Variants in CARM1 observed in about 807,000 individuals in gnomAD.
The protein encoded by CARM1 is histone-arginine methyltransferase CARM1.
Under a neutral mutation model 72.7 loss-of-function variants are expected in CARM1, and 14 were observed. The ratio of observed to expected loss-of-function variants is 0.19; its 90% CI spans 0.13 to 0.30. CARM1 has a LOEUF of 0.30. Ranked by LOEUF, CARM1 falls within the 10% of genes least tolerant of loss-of-function variation. The pLI is 1.00. For missense variants in CARM1, 432 were observed against 833.7 expected, an observed-to-expected ratio of 0.52 and a Z score of 5.93; for synonymous variants, 333 against 345.5, an observed-to-expected ratio of 0.96 and a Z score of 0.40.
intron 1 of CARM1, among the ~76,000 whole-genome samples, chr19:10,885,134 C>G (rs1264605305): frequency 2.0e-5 from 3 of 152,186 alleles, no homozygotes; most frequent in African/African-American, 7.2e-5. Context: ...ACTTGTTCCC[C>G]TCTGGGTAGG....
In CARM1 at chr19:10,909,156, A is replaced by G. The variant is rs969535587; in HGVS notation, c.507A>G (p.Thr169=). Residue 169 remains threonine, a synonymous_variant, in exon 4 of 16, where the codon ACA becomes ACG. Coordinates refer to ENST00000327064, the MANE Select transcript of CARM1 (RefSeq NM_199141.2). ...QQNMMQDYVR[T]GTYQRAILQN... is the part of the protein sequence containing the mutation. ...ACATGATGCAGGACTACGTGCGGAC[A>G]GGCACCTACCAGCGCGCCATCCTGC... 2 of 1,613,730 alleles carry G rather than the reference A, an allele frequency of 1.2e-6. No individual in the cohort carries two copies. The highest frequency in any genetic ancestry group is 3.3e-5 in the Admixed American group (2 of 60,008).
chr19:10,878,455 C>T (rs532362110), intron 1 of CARM1, among the ~76,000 whole-genome samples: 11 of 152,120 alleles, frequency 7.2e-5, no homozygotes, highest in Non-Finnish European at 1.3e-4. Flanking sequence ...CCAATTGTGG[C>T]GCTTACTGTA....
chr19:10,881,410 C>T (rs2073901351), intron 1 of CARM1, among the ~76,000 whole-genome samples: 1 of 152,190 alleles, frequency 6.6e-6, no homozygotes, highest in South Asian at 2.1e-4. Context: ...GGAGTGGAGT[C>T]TGCCCTGGCT....
chr19:10,900,552 A>T (rs1170804822), intron 1 of CARM1, among the ~76,000 whole-genome samples: 1 of 152,208 alleles, frequency 6.6e-6, no homozygotes, highest in Non-Finnish European at 1.5e-5. Context: ...TTTTATAGAT[A>T]AGCCATATTT....
rs755793969 is a variant in CARM1 at position 10,920,932 on chromosome 19, G to A, written c.1523G>A (p.Gly508Glu). The change falls in exon 13 of 16, where the codon GGG becomes GAG. Residue 508 changes from glycine to glutamate, a missense_variant. Physicochemically the swap from Gly to Glu is moderately conservative, Grantham distance 98. Coordinates refer to ENST00000327064, the MANE Select transcript of CARM1 (RefSeq NM_199141.2). The surrounding 1 kb of genome is among the most constrained non-coding windows in gnomAD (Gnocchi z 5.3). ...NTGSTYNLSS[G>E]MAVAGMPTAY... Reference sequence around the variant, plus strand: ...GGCAGCACCTACAACCTCAGCAGCGGGATGGCCGTGGCAGGTGAGCAGGGC... The same window carrying A: ...GGCAGCACCTACAACCTCAGCAGCGAGATGGCCGTGGCAGGTGAGCAGGGC... 1.2e-6 allele frequency: 2 copies of A among 1,614,224 alleles called. No homozygotes were observed. Among genetic ancestry groups the A allele is most frequent in the African/African-American group, 1.3e-5 (1 of 75,076 alleles).
chr19:10,913,198 G>A (rs1463774823), intron 5 of CARM1, among the ~76,000 whole-genome samples: 3 of 151,490 alleles, frequency 2.0e-5, no homozygotes, highest in South Asian at 2.1e-4. Flanking sequence ...TCCACCTCCC[G>A]GGTTCAAGTG....
intron 1 of CARM1, among the ~76,000 whole-genome samples, chr19:10,902,835 C>A (rs1167942021): frequency 6.6e-6 from 1 of 152,004 alleles, no homozygotes; most frequent in East Asian, 1.9e-4. Flanking sequence ...GTCTCAAACT[C>A]CTGGGTTCTA....
At chr19:10,907,957 C>T (rs766766847) in intron 2 of CARM1, 82 bp from the exon 3 acceptor site, 22 of 815,244 alleles carry the variant, frequency 2.7e-5, no homozygotes, top group South Asian at 9.9e-5. Flanking sequence ...TCAGGACATA[C>T]GGCCATCCAG....
intron 6 of CARM1, 102 bp downstream of exon 6, chr19:10,914,156 C>G (rs1215386309): frequency 8.2e-7 from 1 of 1,219,222 alleles, no homozygotes; most frequent in East Asian, 2.7e-5. Flanking sequence ...TGTCGGTGGC[C>G]CGGGGTGTAG....
intron 1 of CARM1, among the ~76,000 whole-genome samples, chr19:10,882,720 T>G (rs760656279): frequency 2.6e-5 from 4 of 152,002 alleles, no homozygotes; most frequent in Admixed American, 2.6e-4. Flanking sequence ...TTTTGTGTTT[T>G]TAGTAGAGAC....
intron 1 of CARM1, among the ~76,000 whole-genome samples, chr19:10,898,095 G>A (rs1000861217): frequency 1.3e-4 from 19 of 148,902 alleles, no homozygotes; most frequent in Non-Finnish European, 2.4e-4. Flanking sequence ...GAGACAGCGA[G>A]ACTCCGTCTC....
intron 9 of CARM1, 43 bp from the exon 10 acceptor site, chr19:10,919,834 G>A (rs771408146): frequency 3.1e-5 from 48 of 1,552,744 alleles, no homozygotes; most frequent in South Asian, 7.8e-5. Context: ...TCTCGGCAGC[G>A]CCTGTCTGGC....
Position 10,921,889 on chromosome 19 carries a change from T to C in CARM1, c.*132T>C. The C allele has an allele frequency of 1.1e-6, 1 of 915,510 alleles. No individual in the cohort carries two copies. The highest frequency in any genetic ancestry group is 1.7e-5 in the African/African-American group (1 of 59,460). The allele number at this position is 915,510 out of a possible 1,614,324, so 56.7% of individuals were successfully genotyped here. ...TCACAGCTCTCTTTGCTATGGGAACTGGGACACTTTTTTACACGATGTTGC... is the reference window on the plus strand; with the variant it reads ...TCACAGCTCTCTTTGCTATGGGAACCGGGACACTTTTTTACACGATGTTGC... On this transcript the variant is annotated 3_prime_UTR_variant, in exon 16 of 16. Coordinates refer to ENST00000327064, the MANE Select transcript of CARM1 (RefSeq NM_199141.2).
intron 1 of CARM1, among the ~76,000 whole-genome samples, chr19:10,890,297 C>CAAAAA (rs1184482315): frequency 7.5e-6 from 1 of 133,724 alleles, no homozygotes; most frequent in East Asian, 2.2e-4. Flanking sequence ...GACAGAGTTT[C>CAAAAA]GCTCTTGTTG....
Position 10,871,601 on chromosome 19 carries a change from G to GGCGGCA in CARM1, c.-97_-96insAGCGGC, listed in dbSNP as rs1299962182. Reference sequence around the variant, plus strand: ...CGGCGGTAGCGGCAGCGGCGGCGGCGGCGGCGGCGGCGGCGGCGGCGGCGG... The same window carrying GGCGGCA: ...CGGCGGTAGCGGCAGCGGCGGCGGCGGCGGCAGCGGCGGCGGCGGCGGCGGCGGCGG... On this transcript the variant is annotated 5_prime_UTR_variant, in exon 1 of 16. Coordinates refer to ENST00000327064, the MANE Select transcript of CARM1 (RefSeq NM_199141.2). This position sits in a 1 kb window ranked among gnomAD's most constrained non-coding sequence, Gnocchi z 5.6. 1.9e-5 allele frequency: 2 copies of GGCGGCA among 104,312 alleles called. No homozygotes were observed. The highest frequency in any genetic ancestry group is 4.0e-5 in the Non-Finnish European group (2 of 50,446). 6.5% of individuals were successfully genotyped at this position (104,312 alleles called of 1,614,324 possible).
chr19:10,881,027 A>G (rs895552215), intron 1 of CARM1, among the ~76,000 whole-genome samples: 6 of 152,170 alleles, frequency 3.9e-5, no homozygotes, highest in African/African-American at 1.2e-4. Context: ...ATTAGCCGGC[A>G]TGGTGGCACA....
At chr19:10,880,813 G>T (rs898817254) in intron 1 of CARM1, among the ~76,000 whole-genome samples, 4 of 152,186 alleles carry the variant, frequency 2.6e-5, no homozygotes, top group African/African-American at 9.7e-5. Flanking sequence ...TCCCTGAAAG[G>T]GGGTGACAGT....
At position 10,912,145 on chromosome 19, in the gene CARM1, C is replaced by T; in HGVS notation, c.559-39C>T. On this transcript the variant is annotated intron_variant, in intron 4 of 15. Transcript: ENST00000327064. The surrounding 1 kb of genome is among the most constrained non-coding windows in gnomAD (Gnocchi z 4.5). Reference sequence around the variant, plus strand: ...CACTGTCACCTCCCCATCACCGTCGCCTCCTATGTCTCGCTCTCACCTCCC... The same window carrying T: ...CACTGTCACCTCCCCATCACCGTCGTCTCCTATGTCTCGCTCTCACCTCCC... 1 of 1,465,638 alleles carries T rather than the reference C, an allele frequency of 6.8e-7. No individual in the cohort carries two copies. Among genetic ancestry groups the T allele is most frequent in the South Asian group, 1.1e-5 (1 of 88,186 alleles). 90.8% of individuals were successfully genotyped at this position (1,465,638 alleles called of 1,614,324 possible). A position where few individuals can be genotyped will look rare whatever the true frequency, so the allele number is the denominator to read the frequency against.
intron 1 of CARM1, among the ~76,000 whole-genome samples, chr19:10,875,063 A>G (rs1255445293): frequency 2.6e-5 from 4 of 151,762 alleles, no homozygotes; most frequent in African/African-American, 7.3e-5. Flanking sequence ...GTTGGAGGTG[A>G]TCAGTGCTGG....
Sources: allele counts gnomAD v4.1 joint callset (sites outside exome capture counted in the v4.1 genomes callset), GRCh38; gene constraint gnomAD v4.1.1; non-coding constraint Gnocchi (gnomAD v3.1); transcripts MANE v1.5; gene names NCBI Gene and HGNC (gene_info 2026-07-23, HGNC 2026-07-21).